TXNDC5: variants seen among roughly 807,000 people sequenced by gnomAD.
The protein encoded by TXNDC5 is thioredoxin domain containing 5.
A neutral mutation model predicts 52.6 loss-of-function variants in TXNDC5; 44 were observed. The observed-to-expected ratio is 0.84, with a 90% CI of 0.66 to 1.08. The LOEUF is 1.08. Ranked by LOEUF, TXNDC5 falls within the 50% of genes least tolerant of loss-of-function variation. The pLI is 0.00. For missense variants in TXNDC5, 600 were observed against 565.5 expected (o/e 1.06, Z -0.62); for synonymous variants, 241 against 234.4 (o/e 1.03, Z -0.26).
At position 7,907,787 on chromosome 6, in the gene TXNDC5, G is replaced by C. The variant is rs189501262; in HGVS notation, c.263+2727C>G. ...TACAACTTACCAAAGTGTTGTGCCA[G>C]GTATTGTTGGTCCTACTTGATCTTG... On this transcript the variant is annotated intron_variant, in intron 1 of 9. Coordinates refer to ENST00000379757, the MANE Select transcript of TXNDC5 (RefSeq NM_030810.5). 8.2e-4 allele frequency among the ~76,000 whole-genome samples: 125 copies of C among 152,270 alleles called. 2 individuals carry two copies. Among genetic ancestry groups the C allele is most frequent in the Admixed American group, 5.9e-4 (9 of 15,296 alleles).
chr6:7,896,162 GA>G (rs1044300812), intron 3 of TXNDC5, among the ~76,000 whole-genome samples: 1 of 152,160 alleles, frequency 6.6e-6, no homozygotes, highest in African/African-American at 2.4e-5. Flanking sequence ...TGATGAGAAG[GA>G]AAATGCAGGT....
At chr6:7,883,627 C>A (rs113551345) in intron 9 of TXNDC5, among the ~76,000 whole-genome samples, 1 of 152,144 alleles carries the variant, frequency 6.6e-6, no homozygotes, top group Non-Finnish European at 1.5e-5. Context: ...ACCTCCCTGG[C>A]GATGCCCTGG....
At chr6:7,886,077 A>C in intron 7 of TXNDC5, 34 bp from the exon 8 acceptor site, 1 of 1,595,526 alleles carries the variant, frequency 6.3e-7, no homozygotes. Context: ...GTTCAAGTAC[A>C]TCCCTTAAAG....
chr6:7,890,171 A>C (rs2113332671), intron 5 of TXNDC5, among the ~76,000 whole-genome samples: 1 of 152,358 alleles, frequency 6.6e-6, no homozygotes, highest in African/African-American at 2.4e-5. Flanking sequence ...TCTTTCATTT[A>C]AATCTCATAA....
At chr6:7,908,258 GGCAA>G (rs1760799983) in intron 1 of TXNDC5, among the ~76,000 whole-genome samples, 1 of 138,270 alleles carries the variant, frequency 7.2e-6, no homozygotes, top group Admixed American at 7.9e-5. Flanking sequence ...ACTCCAGCCT[GGCAA>G]CAGAGCAAGA....
At chr6:7,903,686 A>C (rs542715725) in intron 2 of TXNDC5, among the ~76,000 whole-genome samples, 1 of 152,390 alleles carries the variant, frequency 6.6e-6, no homozygotes, top group South Asian at 2.1e-4. Context: ...TTAAGCAATA[A>C]ATTGTATAGA....
chr6:7,884,262 AGAT>A, intron 9 of TXNDC5, 94 bp downstream of exon 9: 1 of 1,498,928 alleles, frequency 6.7e-7, no homozygotes, highest in Non-Finnish European at 9.1e-7. Flanking sequence ...ATTGTTGAGA[AGAT>A]GAGAGCAGAG....
At chr6:7,884,224 AAAC>A (rs1410139424) in intron 9 of TXNDC5, 132 bp downstream of exon 9, 6 of 1,235,296 alleles carry the variant, frequency 4.9e-6, no homozygotes, top group Non-Finnish European at 6.7e-6. Flanking sequence ...TTCTCCAAAC[AAAC>A]AACTCAAAGG....
chr6:7,887,518 G>T (rs988816550), intron 7 of TXNDC5, among the ~76,000 whole-genome samples: 1 of 151,760 alleles, frequency 6.6e-6, no homozygotes, highest in Admixed American at 6.6e-5. Flanking sequence ...GCTGCACAGC[G>T]GCTGGACTCC....
At chr6:7,888,650 G>A (rs1760083529) in intron 7 of TXNDC5, 55 bp downstream of exon 7, 2 of 1,557,080 alleles carry the variant, frequency 1.3e-6, no homozygotes, top group African/African-American at 1.4e-5. Flanking sequence ...TGGGGAGGTG[G>A]GGGGCCGGGG....
In TXNDC5 at chr6:7,891,633, G is replaced by T; in HGVS notation, c.720C>A (p.Val240=). The change falls in exon 5 of 10, where the codon GTC becomes GTA. Residue 240 remains valine, a synonymous_variant. Transcript: ENST00000379757. ...GGCTTTCACTCACCTTGCCAATCTT[G>T]ACAGTTTCGGAATGTTCAAGGCCCA... ...LALGLEHSET[V]KIGKVDCTQH... is the part of the protein sequence containing the mutation. 1 of 1,613,752 alleles carries T rather than the reference G, an allele frequency of 6.2e-7. No individual in the cohort carries two copies. Among genetic ancestry groups the T allele is most frequent in the South Asian group, 1.1e-5 (1 of 90,998 alleles).
intron 9 of TXNDC5, 127 bp downstream of exon 9, chr6:7,884,232 C>T: frequency 7.6e-7 from 1 of 1,315,764 alleles, no homozygotes; most frequent in Non-Finnish European, 1.0e-6. Flanking sequence ...ACAAACAACT[C>T]AAAGGGACAT....
intron 2 of TXNDC5, among the ~76,000 whole-genome samples, chr6:7,900,424 C>T (rs1385827566): frequency 6.6e-6 from 1 of 152,074 alleles, no homozygotes; most frequent in Non-Finnish European, 1.5e-5. Flanking sequence ...CAAGGATAGG[C>T]AAAAATGTGA....
chr6:7,890,472 G>A (rs1324969248), intron 5 of TXNDC5, among the ~76,000 whole-genome samples: 1 of 152,100 alleles, frequency 6.6e-6, no homozygotes, highest in East Asian at 1.9e-4. Flanking sequence ...GGTCACCTGG[G>A]CTTGTGTCTG....
chr6:7,902,215 C>T (rs1044224557), intron 2 of TXNDC5, among the ~76,000 whole-genome samples: 15 of 152,196 alleles, frequency 9.9e-5, no homozygotes, highest in African/African-American at 1.9e-4. Context: ...CTCTGGCCTC[C>T]AGGACTGCAG....
At chr6:7,910,144 C>CA (rs1760866863) in intron 1 of TXNDC5, 1 of 988,250 alleles carries the variant, frequency 1.0e-6, no homozygotes, top group Non-Finnish European at 1.2e-6. Flanking sequence ...CCTCCCGCAC[C>CA]GCCCCGGCCG....
intron 3 of TXNDC5, among the ~76,000 whole-genome samples, chr6:7,896,438 G>A (rs1760370852): frequency 6.6e-6 from 1 of 152,142 alleles, no homozygotes; most frequent in Non-Finnish European, 1.5e-5. Context: ...TCAGTGTTCT[G>A]CTGCAGACAC....
chr6:7,895,068 G>C, intron 4 of TXNDC5, 38 bp downstream of exon 4: 1 of 1,603,406 alleles, frequency 6.2e-7, no homozygotes, highest in Non-Finnish European at 8.5e-7. Context: ...AGGAATAATA[G>C]TGATTCTCTG....
chr6:7,900,632 C>A (rs1321038371), intron 2 of TXNDC5, among the ~76,000 whole-genome samples: 2 of 152,174 alleles, frequency 1.3e-5, no homozygotes, highest in Non-Finnish European at 2.9e-5. Context: ...ACGGCTGTAA[C>A]AGAAGACCAC....
Sources: allele counts gnomAD v4.1 joint callset (sites outside exome capture counted in the v4.1 genomes callset), GRCh38; gene constraint gnomAD v4.1.1; transcripts MANE v1.5; gene names NCBI Gene and HGNC (gene_info 2026-07-23, HGNC 2026-07-21).